The following ERI3 variants were observed in gnomAD, a reference collection of about 807,000 sequenced individuals.
The protein encoded by ERI3 is ERI1 exoribonuclease 3.
A neutral mutation model predicts 44.4 loss-of-function variants in ERI3; 18 were observed. The observed-to-expected ratio is 0.41, with a 90% CI of 0.28 to 0.60. The LOEUF (loss-of-function observed/expected upper bound fraction) is 0.60. ERI3 is among the 20% of genes least tolerant of loss of function. ERI3 has a pLI of 0.36. For synonymous variants in ERI3, 183 were observed against 164.8 expected (o/e 1.11, Z -0.84); for missense variants, 294 against 435.5 (o/e 0.68, Z 2.89).
At chr1:44,238,240 C>T (rs1572080975) in intron 8 of ERI3, among the ~76,000 whole-genome samples, 1 of 152,036 alleles carries the variant, frequency 6.6e-6, no homozygotes, top group Non-Finnish European at 1.5e-5. Context: ...CTGCGGCAGG[C>T]GGGGCGGGGG....
In ERI3 at chr1:44,339,123, G is replaced by T. The variant is rs1368242079; in HGVS notation, c.411C>A (p.Ser137=). The part of the protein sequence containing the change: ...GFGASMAAMV[S]FPPQRYHYFL... ...AGTAGTGATACCTCTGGGGAGGGAA[G>T]GACACCATTGCCGCCATGGATGCGC... is the stretch of plus-strand genomic sequence containing the variant. Residue 137 remains serine, a synonymous_variant, in exon 3 of 9, where the codon TCC becomes TCA. Transcript: ENST00000372257. 1 of 1,614,052 alleles carries T rather than the reference G, an allele frequency of 6.2e-7. No individual in the cohort carries two copies. Among genetic ancestry groups the T allele is most frequent in the East Asian group, 2.2e-5 (1 of 44,868 alleles).
In ERI3 at chr1:44,228,256, C is replaced by T. The variant is rs375883024; in HGVS notation, c.932-6616G>A. ...CTCCCCTCAGCCCCCTCCACCCCAC[C>T]GAGGTGCCTGGAGGTGCCACAGGCT... is the stretch of plus-strand genomic sequence containing the variant. On this transcript the variant is annotated intron_variant, in intron 8 of 8. Coordinates refer to ENST00000372257, the MANE Select transcript of ERI3 (RefSeq NM_024066.3). The surrounding 1 kb of genome is among the most constrained non-coding windows in gnomAD (Gnocchi z 4.3). Among the ~76,000 whole-genome samples, 7 of 152,150 alleles carry T rather than the reference C, an allele frequency of 4.6e-5. No homozygotes were observed. Among genetic ancestry groups the T allele is most frequent in the Non-Finnish European group, 7.3e-5 (5 of 68,030 alleles).
intron 5 of ERI3, among the ~76,000 whole-genome samples, chr1:44,309,810 G>C (rs181669331): frequency 1.3e-5 from 2 of 151,954 alleles, no homozygotes; most frequent in Admixed American, 6.5e-5. Flanking sequence ...TGATCTGCCC[G>C]CCTCGGCCTC....
At chr1:44,295,470 A>G (rs1290783734) in intron 6 of ERI3, among the ~76,000 whole-genome samples, 1 of 152,122 alleles carries the variant, frequency 6.6e-6, no homozygotes, top group Non-Finnish European at 1.5e-5. Flanking sequence ...AGTCCCCAGC[A>G]CAGTACTTAC....
chr1:44,327,028 G>C (rs749791962), intron 3 of ERI3, among the ~76,000 whole-genome samples: 3 of 152,202 alleles, frequency 2.0e-5, no homozygotes, highest in Non-Finnish European at 2.9e-5. Flanking sequence ...AACAGCCACA[G>C]TTCAAACATT....
intron 6 of ERI3, among the ~76,000 whole-genome samples, chr1:44,304,206 C>T (rs1457437190): frequency 6.6e-6 from 1 of 151,774 alleles, no homozygotes; most frequent in Non-Finnish European, 1.5e-5. Flanking sequence ...CAGATGAGCC[C>T]GATTTCTTTT....
intron 2 of ERI3, among the ~76,000 whole-genome samples, chr1:44,340,405 C>T (rs1291426089): frequency 6.6e-6 from 1 of 152,156 alleles, no homozygotes; most frequent in Non-Finnish European, 1.5e-5. Context: ...ACAGTAATGG[C>T]CATAGTTTGT....
At chr1:44,345,563 T>C (rs1304989127) in intron 2 of ERI3, among the ~76,000 whole-genome samples, 2 of 152,138 alleles carry the variant, frequency 1.3e-5, no homozygotes, top group Non-Finnish European at 2.9e-5. Flanking sequence ...ACCTGCAGTA[T>C]CACAAGTGCT....
intron 8 of ERI3, among the ~76,000 whole-genome samples, chr1:44,242,558 A>G (rs1644461772): frequency 6.6e-6 from 1 of 152,220 alleles, no homozygotes. Flanking sequence ...GGAGGAGAAG[A>G]CTGCAGCTCT....
intron 8 of ERI3, among the ~76,000 whole-genome samples, chr1:44,223,476 C>T (rs1643954117): frequency 6.6e-6 from 1 of 152,020 alleles, no homozygotes; most frequent in Non-Finnish European, 1.5e-5. Context: ...TAAGTCTGGC[C>T]CTATCAGGGA....
chr1:44,325,507 G>A (rs747226940), intron 3 of ERI3, among the ~76,000 whole-genome samples: 6 of 152,190 alleles, frequency 3.9e-5, no homozygotes, highest in African/African-American at 7.2e-5. Flanking sequence ...AAATGTGTAA[G>A]TTGCTTTCGG....
intron 3 of ERI3, chr1:44,322,885 T>C: frequency 3.9e-6 from 6 of 1,541,136 alleles, no homozygotes; most frequent in Non-Finnish European, 4.4e-6. Flanking sequence ...GATTTTTAGC[T>C]GATAATGATC....
Position 44,235,997 on chromosome 1 carries a change from C to T in ERI3, c.931+11942G>A, listed in dbSNP as rs1017130556. ...TAATCCCTATTAATTTCAATACCGC[C>T]GCCTTGCCTGGCTCAGCTCCCAATG... On this transcript the variant is annotated intron_variant, in intron 8 of 8. Transcript: ENST00000372257. This position sits in a 1 kb window ranked among gnomAD's most constrained non-coding sequence, Gnocchi z 4.6. 2.0e-5 allele frequency among the ~76,000 whole-genome samples: 3 copies of T among 152,212 alleles called. No individual in the cohort carries two copies. Among genetic ancestry groups the T allele is most frequent in the African/African-American group, 4.8e-5 (2 of 41,458 alleles).
intron 8 of ERI3, among the ~76,000 whole-genome samples, chr1:44,230,037 T>C (rs1231222240): frequency 2.0e-5 from 3 of 152,186 alleles, no homozygotes; most frequent in Non-Finnish European, 2.9e-5. Flanking sequence ...GTATATCTTA[T>C]TACACGCCTT....
At chr1:44,291,548 G>T (rs972246234) in intron 6 of ERI3, among the ~76,000 whole-genome samples, 6 of 152,260 alleles carry the variant, frequency 3.9e-5, no homozygotes, top group African/African-American at 1.4e-4. Context: ...AACCCCTGCA[G>T]AAGCCTACAG....
At chr1:44,238,401 C>A (rs1414298198) in intron 8 of ERI3, among the ~76,000 whole-genome samples, 2 of 152,124 alleles carry the variant, frequency 1.3e-5, no homozygotes, top group African/African-American at 4.8e-5. Context: ...TGGGTGTCAG[C>A]GCAGGGCTAG....
At chr1:44,308,515 AAT>A in intron 5 of ERI3, 114 bp from the exon 6 acceptor site, 4 of 848,034 alleles carry the variant, frequency 4.7e-6, no homozygotes. Context: ...AGAAAATTGT[AAT>A]CTTATCCAGC....
intron 3 of ERI3, among the ~76,000 whole-genome samples, chr1:44,326,191 T>A (rs1232851444): frequency 6.6e-6 from 1 of 152,160 alleles, no homozygotes; most frequent in Non-Finnish European, 1.5e-5. Context: ...TTTGATAAAA[T>A]CTAAAAGCAA....
intron 7 of ERI3, among the ~76,000 whole-genome samples, chr1:44,254,626 T>G (rs553677767): frequency 1.5e-4 from 23 of 152,254 alleles, no homozygotes; most frequent in Non-Finnish European, 2.8e-4. Flanking sequence ...AGAAAGTGGT[T>G]ACTACAGATC....
Sources: allele counts gnomAD v4.1 joint callset (sites outside exome capture counted in the v4.1 genomes callset), GRCh38; gene constraint gnomAD v4.1.1; non-coding constraint Gnocchi (gnomAD v3.1); transcripts MANE v1.5; gene names NCBI Gene and HGNC (gene_info 2026-07-23, HGNC 2026-07-21).